The following NELL2 variants were observed in gnomAD, a reference collection of about 807,000 sequenced individuals.
NELL2 encodes protein kinase C-binding protein NELL2.
A neutral mutation model predicts 109.6 loss-of-function variants in NELL2; 41 were observed. That is an observed-to-expected ratio of 0.37 (90% CI 0.29 to 0.49). NELL2 has a LOEUF of 0.49. Ranked by LOEUF, NELL2 falls within the 20% of genes least tolerant of loss-of-function variation. The pLI, the probability that NELL2 is intolerant of heterozygous loss-of-function variation, is 0.98. For missense variants in NELL2, 900 were observed against 1,008.3 expected (o/e 0.89, Z 1.45); for synonymous variants, 355 against 344.7 (o/e 1.03, Z -0.33).
intron 18 of NELL2, among the ~76,000 whole-genome samples, chr12:44,521,711 G>C (rs1009612107): frequency 6.6e-6 from 1 of 151,966 alleles, no homozygotes; most frequent in South Asian, 2.1e-4. Context: ...GATAGGAATG[G>C]GGAAGCTAGG....
intron 3 of NELL2, among the ~76,000 whole-genome samples, chr12:44,792,621 G>A (rs1174812355): frequency 6.6e-6 from 1 of 152,066 alleles, no homozygotes; most frequent in Non-Finnish European, 1.5e-5. Context: ...CACAATATAT[G>A]AAGTGCACCT....
rs115649001 is a variant in NELL2 at position 44,512,954 on chromosome 12, G to A, written c.2401-3970C>T. Among the ~76,000 whole-genome samples the A allele has an allele frequency of 6.7e-3, 1,021 of 152,042 alleles. 20 individuals are homozygous for A. The highest frequency in any genetic ancestry group is 0.023 in the African/African-American group (973 of 41,520). On this transcript the variant is annotated intron_variant, in intron 19 of 19. Transcript: ENST00000429094. ...TTTATTGTATATGTTCAGAAATCTAGAAGAAAGGATTTTGAATGTTCCCAC... is the reference window on the plus strand; with the variant it reads ...TTTATTGTATATGTTCAGAAATCTAAAAGAAAGGATTTTGAATGTTCCCAC...
intron 2 of NELL2, among the ~76,000 whole-genome samples, chr12:44,872,017 A>G (rs577230454): frequency 6.6e-6 from 1 of 152,270 alleles, no homozygotes; most frequent in East Asian, 1.9e-4. Context: ...TCATGCTAAC[A>G]TTGCTAGAAA....
At chr12:44,891,083 C>T (rs1005080329) in intron 1 of NELL2, among the ~76,000 whole-genome samples, 2 of 152,170 alleles carry the variant, frequency 1.3e-5, no homozygotes, top group African/African-American at 4.8e-5. Flanking sequence ...CCTTCTCTAT[C>T]GCTGCCCCTC....
intron 2 of NELL2, among the ~76,000 whole-genome samples, chr12:44,820,600 C>T (rs1234931222): frequency 8.6e-5 from 9 of 104,142 alleles, no homozygotes; most frequent in African/African-American, 2.9e-4. Context: ...CAGAGCAAGA[C>T]TCCGTCTCAA....
chr12:44,654,744 G>A (rs1172099193), intron 13 of NELL2, among the ~76,000 whole-genome samples: 1 of 152,146 alleles, frequency 6.6e-6, no homozygotes, highest in South Asian at 2.1e-4. Context: ...TGTCATGAAT[G>A]TGACACTGCA....
chr12:44,572,230 C>T (rs1943899588), intron 15 of NELL2, among the ~76,000 whole-genome samples: 2 of 152,154 alleles, frequency 1.3e-5, no homozygotes, highest in African/African-American at 2.4e-5. Flanking sequence ...TAGCCTTGAC[C>T]TCCTGTGTCC....
intron 9 of NELL2, among the ~76,000 whole-genome samples, chr12:44,732,407 T>C (rs2136476105): frequency 6.6e-6 from 1 of 152,032 alleles, no homozygotes; most frequent in African/African-American, 2.4e-5. Flanking sequence ...ATAAACTCAC[T>C]TACATACAGG....
At chr12:44,744,432 G>A (rs1205792843) in intron 9 of NELL2, among the ~76,000 whole-genome samples, 5 of 152,006 alleles carry the variant, frequency 3.3e-5, no homozygotes, top group Non-Finnish European at 4.4e-5. Context: ...CTAGCAGAAG[G>A]CAAGAAATAA....
chr12:44,529,715 G>A (rs888960392), intron 16 of NELL2, among the ~76,000 whole-genome samples: 7 of 152,200 alleles, frequency 4.6e-5, no homozygotes, highest in African/African-American at 1.7e-4. Flanking sequence ...GGCTGATCAA[G>A]GAGATAGTAA....
chr12:44,777,939 CAT>C (rs1183147074), intron 5 of NELL2, among the ~76,000 whole-genome samples: 2 of 152,042 alleles, frequency 1.3e-5, no homozygotes, highest in African/African-American at 2.4e-5. Flanking sequence ...AATTTTATCA[CAT>C]GTTTATAGGC....
chr12:44,738,362 A>G (rs1376943155), intron 9 of NELL2, among the ~76,000 whole-genome samples: 1 of 152,204 alleles, frequency 6.6e-6, no homozygotes, highest in Non-Finnish European at 1.5e-5. Flanking sequence ...TGTTCACTGC[A>G]GCAGTATTCA....
chr12:44,655,996 G>A (rs1445535402), intron 13 of NELL2, among the ~76,000 whole-genome samples: 1 of 152,150 alleles, frequency 6.6e-6, no homozygotes, highest in Non-Finnish European at 1.5e-5. Context: ...TCACAAAAAT[G>A]CAAAAGTCAT....
At chr12:44,525,487 G>A (rs927619933) in intron 16 of NELL2, among the ~76,000 whole-genome samples, 6 of 152,024 alleles carry the variant, frequency 3.9e-5, no homozygotes, top group African/African-American at 1.2e-4. Flanking sequence ...TGCCTTTTCT[G>A]CTTATTATCT....
intron 9 of NELL2, among the ~76,000 whole-genome samples, chr12:44,722,466 T>C (rs1468301029): frequency 6.6e-6 from 1 of 152,082 alleles, no homozygotes; most frequent in Non-Finnish European, 1.5e-5. Flanking sequence ...ACACCCCACC[T>C]AAGAAACATT....
At chr12:44,716,054 C>T (rs1190731739) in intron 9 of NELL2, among the ~76,000 whole-genome samples, 2 of 152,064 alleles carry the variant, frequency 1.3e-5, no homozygotes, top group Non-Finnish European at 2.9e-5. Context: ...TCTGCCTAAG[C>T]CTCCCAAAGT....
chr12:44,604,044 G>A (rs979029475), intron 15 of NELL2, among the ~76,000 whole-genome samples: 8 of 152,050 alleles, frequency 5.3e-5, no homozygotes, highest in Non-Finnish European at 1.2e-4. Flanking sequence ...CTTTAACTTT[G>A]CAGAGAAAAA....
chr12:44,832,020 G>T (rs1943903907), intron 2 of NELL2, among the ~76,000 whole-genome samples: 1 of 152,134 alleles, frequency 6.6e-6, no homozygotes, highest in African/African-American at 2.4e-5. Flanking sequence ...GTAAAATGAG[G>T]ATAAGAATTT....
chr12:44,652,445 A>G (rs1415182505), intron 13 of NELL2, among the ~76,000 whole-genome samples: 1 of 152,206 alleles, frequency 6.6e-6, no homozygotes, highest in Non-Finnish European at 1.5e-5. Context: ...CCTCATTTTT[A>G]CAGCAAAAAC....
Sources: gnomAD v4.1 joint callset for allele counts (sites outside exome capture counted in the v4.1 genomes callset) on GRCh38, gnomAD v4.1.1 for gene constraint, MANE v1.5 for transcripts, NCBI Gene and HGNC (gene_info 2026-07-23, HGNC 2026-07-21) for gene names.